The following BANK1 variants were observed in gnomAD, a reference collection of about 807,000 sequenced individuals.
BANK1 encodes the protein B cell scaffold protein with ankyrin repeats 1.
Under a neutral mutation model 94.5 loss-of-function variants are expected in BANK1, and 95 were observed. The ratio of observed to expected loss-of-function variants is 1.00; its 90% CI spans 0.85 to 1.19. BANK1 has a LOEUF of 1.19. BANK1 is among the 50% of genes most tolerant of loss of function. BANK1 has a pLI of 0.00. For synonymous variants in BANK1, 334 were observed against 308.4 expected, an observed-to-expected ratio of 1.08 and a Z score of -0.87; for missense variants, 987 against 932.2, an observed-to-expected ratio of 1.06 and a Z score of -0.77.
At chr4:102,015,592 A>C (rs1560687928) in intron 7 of BANK1, among the ~76,000 whole-genome samples, 1 of 152,184 alleles carries the variant, frequency 6.6e-6, no homozygotes, top group Non-Finnish European at 1.5e-5. Context: ...TCTAAATAAC[A>C]AAAGTTCTTT....
chr4:101,792,792 T>C (rs1369424765), intron 1 of BANK1, among the ~76,000 whole-genome samples: 2 of 152,274 alleles, frequency 1.3e-5, no homozygotes, highest in African/African-American at 4.8e-5. Context: ...CATCAGAGAT[T>C]TATTAACTGT....
chr4:102,048,387 G>C (rs1195632299), intron 11 of BANK1, among the ~76,000 whole-genome samples: 1 of 152,142 alleles, frequency 6.6e-6, no homozygotes, highest in Non-Finnish European at 1.5e-5. Context: ...TAACAAGGTT[G>C]ATTTCATCCA....
chr4:101,956,531 C>T (rs1257945147), intron 7 of BANK1, among the ~76,000 whole-genome samples: 2 of 152,052 alleles, frequency 1.3e-5, no homozygotes, highest in African/African-American at 4.8e-5. Context: ...TTGGTAATAC[C>T]CTAACCTCTA....
intron 3 of BANK1, among the ~76,000 whole-genome samples, chr4:101,860,780 T>C (rs1208042179): frequency 1.3e-5 from 2 of 152,042 alleles, no homozygotes; most frequent in African/African-American, 2.4e-5. Flanking sequence ...TGGGAGTCGG[T>C]TGGGTGGATA....
intron 10 of BANK1, among the ~76,000 whole-genome samples, chr4:102,038,668 A>G (rs1226620432): frequency 6.6e-6 from 1 of 152,164 alleles, no homozygotes; most frequent in Non-Finnish European, 1.5e-5. Flanking sequence ...TCCACAAACC[A>G]ATTGTCATCA....
intron 11 of BANK1, among the ~76,000 whole-genome samples, chr4:102,052,516 T>C (rs1172635816): frequency 6.6e-6 from 1 of 152,084 alleles, no homozygotes; most frequent in Non-Finnish European, 1.5e-5. Context: ...TCAGAATAAT[T>C]ATACTTCTGT....
At chr4:102,026,440 C>A (rs917383687) in intron 9 of BANK1, among the ~76,000 whole-genome samples, 3 of 151,422 alleles carry the variant, frequency 2.0e-5, no homozygotes, top group African/African-American at 7.3e-5. Context: ...AGGCTACAAA[C>A]CCCATTTTCA....
chr4:102,033,107 C>G (rs1012906061), intron 10 of BANK1, among the ~76,000 whole-genome samples: 3 of 152,172 alleles, frequency 2.0e-5, no homozygotes, highest in Admixed American at 1.3e-4. Context: ...ATCCAGTTCC[C>G]AGCATGCTGA....
chr4:102,067,236 A>G (rs1385826217), intron 13 of BANK1, among the ~76,000 whole-genome samples: 1 of 152,146 alleles, frequency 6.6e-6, no homozygotes, highest in Non-Finnish European at 1.5e-5. Flanking sequence ...AGGAAAGTAG[A>G]AAAAGAGGAA....
chr4:102,023,595 A>G (rs1726985394), intron 8 of BANK1, among the ~76,000 whole-genome samples: 1 of 152,204 alleles, frequency 6.6e-6, no homozygotes, highest in Admixed American at 6.5e-5. Context: ...ACCCTAGCTC[A>G]GTGGATTTCC....
At chr4:101,864,444 T>C (rs1727994391) in intron 4 of BANK1, among the ~76,000 whole-genome samples, 1 of 152,196 alleles carries the variant, frequency 6.6e-6, no homozygotes, top group Non-Finnish European at 1.5e-5. Flanking sequence ...TTACAAGTAA[T>C]ATTTAGATGA....
chr4:101,876,524 C>G lies in BANK1; in HGVS notation c.903+5880C>G, dbSNP rs28799287. Reference sequence around the variant, plus strand: ...AGGATGCCCCCTAAAACAGATACGGCTTAGATCACAACACACAAGTCTTTA... The same window carrying G: ...AGGATGCCCCCTAAAACAGATACGGGTTAGATCACAACACACAAGTCTTTA... On this transcript the variant is annotated intron_variant, in intron 5 of 16. Transcript: ENST00000322953. 6.2e-3 allele frequency among the ~76,000 whole-genome samples: 942 copies of G among 152,266 alleles called. 11 individuals are homozygous for G. The highest frequency in any genetic ancestry group is 0.021 in the African/African-American group (869 of 41,546).
intron 1 of BANK1, among the ~76,000 whole-genome samples, chr4:101,810,682 A>G (rs780288629): frequency 1.3e-5 from 2 of 152,190 alleles, no homozygotes; most frequent in Non-Finnish European, 2.9e-5. Flanking sequence ...AATTATTCTC[A>G]TCAATAATAC....
intron 6 of BANK1, among the ~76,000 whole-genome samples, chr4:101,905,902 C>G (rs965518414): frequency 6.6e-6 from 1 of 152,070 alleles, no homozygotes; most frequent in Non-Finnish European, 1.5e-5. Context: ...TCTCTTGGTC[C>G]CTGTTTTATA....
intron 1 of BANK1, among the ~76,000 whole-genome samples, chr4:101,794,011 C>T (rs903231543): frequency 2.0e-5 from 3 of 151,892 alleles, no homozygotes; most frequent in Non-Finnish European, 4.4e-5. Flanking sequence ...GATATGGCCT[C>T]TTGTATAAAG....
intron 6 of BANK1, among the ~76,000 whole-genome samples, chr4:101,900,632 G>C (rs1578386949): frequency 6.6e-6 from 1 of 151,614 alleles, no homozygotes; most frequent in Non-Finnish European, 1.5e-5. Flanking sequence ...AGGAAAGAGA[G>C]GACGGGTCTG....
intron 7 of BANK1, among the ~76,000 whole-genome samples, chr4:101,998,184 C>A (rs1725945343): frequency 6.6e-6 from 1 of 152,136 alleles, no homozygotes; most frequent in Non-Finnish European, 1.5e-5. Flanking sequence ...ACCCAGTAGT[C>A]ATTCAGGAGC....
intron 11 of BANK1, among the ~76,000 whole-genome samples, chr4:102,055,899 T>C (rs1044614889): frequency 7.9e-5 from 12 of 152,152 alleles, no homozygotes; most frequent in African/African-American, 2.6e-4. Context: ...AGAATGTTTC[T>C]AAATTGATAG....
intron 7 of BANK1, among the ~76,000 whole-genome samples, chr4:101,961,139 G>A (rs1724554659): frequency 6.6e-6 from 1 of 152,158 alleles, no homozygotes; most frequent in African/African-American, 2.4e-5. Flanking sequence ...GCAAATAAAA[G>A]TATTGAGTGG....
Sources: gnomAD v4.1 joint callset for allele counts (sites outside exome capture counted in the v4.1 genomes callset) on GRCh38, gnomAD v4.1.1 for gene constraint, MANE v1.5 for transcripts, NCBI Gene and HGNC (gene_info 2026-07-23, HGNC 2026-07-21) for gene names.